The following VPS54 variants were observed in gnomAD, a reference collection of about 807,000 sequenced individuals.
VPS54 encodes the protein VPS54 subunit of GARP complex.
Under a neutral mutation model 121.5 loss-of-function variants are expected in VPS54, and 45 were observed. That is an observed-to-expected ratio of 0.37 (90% confidence interval 0.29 to 0.47). The LOEUF (loss-of-function observed/expected upper bound fraction) is 0.47, where lower values mean the gene tolerates loss of function less well. Ranked by LOEUF, VPS54 falls within the 20% of genes least tolerant of loss-of-function variation. The probability of loss-of-function intolerance (pLI) is 0.99; values close to 1 mark genes in which losing one functional copy is unlikely to be tolerated. For synonymous variants in VPS54, 371 were observed against 385.8 expected, an observed-to-expected ratio of 0.96 and a Z score of 0.45; for missense variants, 1,090 against 1,131.4, an observed-to-expected ratio of 0.96 and a Z score of 0.52.
At chr2:63,944,453 C>CG in intron 10 of VPS54, 147 bp downstream of exon 10, 1 of 774,272 alleles carries the variant, frequency 1.3e-6, no homozygotes, top group South Asian at 1.6e-5. Context: ...GCACTGTCTT[C>CG]GTTCCACACT....
chr2:63,923,846 G>A (rs1036750484), intron 12 of VPS54, among the ~76,000 whole-genome samples: 8 of 152,162 alleles, frequency 5.3e-5, no homozygotes, highest in East Asian at 1.9e-4. Context: ...AACGTCAGAC[G>A]TATTTTTGCA....
intron 12 of VPS54, among the ~76,000 whole-genome samples, chr2:63,929,356 G>C (rs1012052756): frequency 2.6e-5 from 4 of 152,144 alleles, no homozygotes; most frequent in African/African-American, 7.2e-5. Context: ...TCAGGATTAA[G>C]AATCTCAATC....
chr2:63,953,502 C>CA, intron 7 of VPS54, among the ~76,000 whole-genome samples: 1 of 152,250 alleles, frequency 6.6e-6, no homozygotes, highest in East Asian at 1.9e-4. Flanking sequence ...TTTGAAGGGT[C>CA]AAAAACCATT....
intron 22 of VPS54, among the ~76,000 whole-genome samples, chr2:63,894,650 C>T (rs1273255064): frequency 1.3e-5 from 2 of 151,698 alleles, no homozygotes; most frequent in Non-Finnish European, 2.9e-5. Context: ...CTGCAGTGAG[C>T]CATGATCACA....
chr2:63,972,149 A>T lies in VPS54; in HGVS notation c.457+17T>A. Reference sequence around the variant, plus strand: ...TTATGCTATGCTTTATTATCTATAAATAACACATATTCATACCATGAGTAT... The same window carrying T: ...TTATGCTATGCTTTATTATCTATAATTAACACATATTCATACCATGAGTAT... On this transcript the variant is annotated intron_variant, in intron 4 of 22. Coordinates refer to ENST00000272322, the MANE Select transcript of VPS54 (RefSeq NM_016516.3). The T allele has an allele frequency of 6.7e-7, 1 of 1,483,242 alleles. No homozygotes were observed. Among genetic ancestry groups the T allele is most frequent in the Non-Finnish European group, 9.2e-7 (1 of 1,092,396 alleles). 91.9% of individuals were successfully genotyped at this position (1,483,242 alleles called of 1,614,324 possible).
chr2:63,993,868 G>C (rs1677449918), intron 1 of VPS54, among the ~76,000 whole-genome samples: 1 of 152,140 alleles, frequency 6.6e-6, no homozygotes, highest in African/African-American at 2.4e-5. Context: ...CTACAAACAA[G>C]CTTATTTCTA....
chr2:64,015,367 G>A (rs1366348216), intron 1 of VPS54, among the ~76,000 whole-genome samples: 1 of 152,008 alleles, frequency 6.6e-6, no homozygotes, highest in Non-Finnish European at 1.5e-5. Context: ...CTCTTGCAAA[G>A]AAATAGAGTT....
At chr2:63,972,588 A>T (rs1292712967) in intron 3 of VPS54, among the ~76,000 whole-genome samples, 1 of 152,204 alleles carries the variant, frequency 6.6e-6, no homozygotes, top group Non-Finnish European at 1.5e-5. Flanking sequence ...TATATATCTA[A>T]GATAGAAACA....
At chr2:64,000,947 T>C (rs1293490806) in intron 1 of VPS54, among the ~76,000 whole-genome samples, 1 of 152,248 alleles carries the variant, frequency 6.6e-6, no homozygotes, top group Non-Finnish European at 1.5e-5. Flanking sequence ...GCCCAGCTTC[T>C]GTCCTTCTCT....
In VPS54 at chr2:63,947,474, A is replaced by T; in HGVS notation, c.1154T>A (p.Leu385His). Reference protein sequence around the residue: ...QVLEEERLISLVFGLLKQRKL... With the variant: ...QVLEEERLISHVFGLLKQRKL... Reference sequence around the variant, plus strand: ...TCTTTGTTTTAAAAGTCCAAATACAAGAGATATTAGTCTTTCCTGTTAAAA... The same window carrying T: ...TCTTTGTTTTAAAAGTCCAAATACATGAGATATTAGTCTTTCCTGTTAAAA... The change falls in exon 9 of 23, where the codon CTT becomes CAT. Residue 385 changes from leucine (L) to histidine (H), a missense_variant. Transcript: ENST00000272322. 6.6e-7 allele frequency: 1 copy of T among 1,522,150 alleles called. No homozygotes were observed. The highest frequency in any genetic ancestry group is 9.0e-7 in the Non-Finnish European group (1 of 1,115,700). 94.3% of individuals were successfully genotyped at this position (1,522,150 alleles called of 1,614,324 possible). A position where few individuals can be genotyped will look rare whatever the true frequency, so the allele number is the denominator to read the frequency against.
intron 3 of VPS54, among the ~76,000 whole-genome samples, chr2:63,976,517 T>C (rs1418777369): frequency 1.3e-5 from 2 of 152,152 alleles, no homozygotes; most frequent in African/African-American, 4.8e-5. Context: ...AAATAATTGG[T>C]ATAATTTCCT....
chr2:63,996,109 T>C (rs1430469284), intron 1 of VPS54, among the ~76,000 whole-genome samples: 2 of 152,128 alleles, frequency 1.3e-5, no homozygotes, highest in African/African-American at 4.8e-5. Flanking sequence ...CATGGCACAT[T>C]TATATAAAAA....
chr2:64,014,624 TACTA>T (rs1678594086), intron 1 of VPS54, among the ~76,000 whole-genome samples: 1 of 105,944 alleles, frequency 9.4e-6, no homozygotes. Context: ...TTCTCCGCCT[TACTA>T]TCTACATTCC....
intron 1 of VPS54, among the ~76,000 whole-genome samples, chr2:64,014,658 ATTCC>A (rs1678596545): frequency 6.6e-6 from 1 of 152,218 alleles, no homozygotes; most frequent in Non-Finnish European, 1.5e-5. Context: ...CAACCTCTAT[ATTCC>A]TTCCTAATTT....
chr2:63,926,552 C>A (rs1673912049), intron 12 of VPS54, among the ~76,000 whole-genome samples: 1 of 152,200 alleles, frequency 6.6e-6, no homozygotes, highest in Admixed American at 6.5e-5. Flanking sequence ...CTCTTGTCTA[C>A]AGCTCCCAGC....
intron 9 of VPS54, among the ~76,000 whole-genome samples, chr2:63,945,308 C>G (rs777366294): frequency 6.6e-6 from 1 of 152,184 alleles, no homozygotes; most frequent in Non-Finnish European, 1.5e-5. Flanking sequence ...CCAAATACTG[C>G]ATGTTCTCAC....
At chr2:64,002,043 C>T (rs150315600) in intron 1 of VPS54, among the ~76,000 whole-genome samples, 1,875 of 152,314 alleles carry the variant, frequency 0.012, 17 homozygotes, top group Non-Finnish European at 0.015. Flanking sequence ...GGGTAATTCC[C>T]CTCTGGCTAG....
intron 7 of VPS54, among the ~76,000 whole-genome samples, chr2:63,956,800 G>A (rs765382902): frequency 2.6e-5 from 4 of 152,084 alleles, no homozygotes; most frequent in Non-Finnish European, 5.9e-5. Flanking sequence ...GTAGAATGGC[G>A]GTGGTAGTAA....
At chr2:63,915,953 G>C (rs979193323) in intron 16 of VPS54, among the ~76,000 whole-genome samples, 1 of 152,062 alleles carries the variant, frequency 6.6e-6, no homozygotes, top group Non-Finnish European at 1.5e-5. Flanking sequence ...ATTATACTAC[G>C]GTAAGTGCCA....
Sources: allele counts gnomAD v4.1 joint callset (sites outside exome capture counted in the v4.1 genomes callset), GRCh38; gene constraint gnomAD v4.1.1; transcripts MANE v1.5; gene names NCBI Gene and HGNC (gene_info 2026-07-23, HGNC 2026-07-21).